The following NRAP variants were observed in gnomAD, a reference collection of about 807,000 sequenced individuals.
The protein encoded by NRAP is nebulin related anchoring protein.
In NRAP, 189 loss-of-function variants were observed where a neutral mutation model predicts 225.9. The ratio of observed to expected loss-of-function variants is 0.84; its 90% CI spans 0.74 to 0.94. The LOEUF is 0.94. Among genes scored for constraint, NRAP ranks in the 40% least tolerant of loss-of-function variants. The pLI is 0.00. For missense variants in NRAP, 2,176 were observed against 2,168.7 expected, an observed-to-expected ratio of 1.00 and a Z score of -0.07; for synonymous variants, 769 against 790.7, an observed-to-expected ratio of 0.97 and a Z score of 0.46.
chr10:113,646,971 G>C lies in NRAP; in HGVS notation c.945C>G (p.Ile315Met). 1 of 1,614,092 alleles carries C rather than the reference G, an allele frequency of 6.2e-7. No individual in the cohort carries two copies. The highest frequency in any genetic ancestry group is 8.5e-7 in the Non-Finnish European group (1 of 1,179,960). Residue 315 changes from isoleucine (I) to methionine (M), a missense_variant, in exon 10 of 42, where the codon ATC becomes ATG. By Grantham distance (10) the Ile-to-Met change is conservative (BLOSUM62 1). Coordinates refer to ENST00000359988, the MANE Select transcript of NRAP (RefSeq NM_198060.4). The stretch of plus-strand genomic sequence containing the variant: ...TCTTGGCGTTCTGATATGCTGGAGT[G>C]ATCATAGCTGGGAAGCTGCCCTTTC... ...HRGKGSFPAM[I>M]TPAYQNAKKA...
chr10:113,657,526 C>G lies in NRAP; in HGVS notation c.304G>C (p.Asp102His). 1 of 1,608,968 alleles carries G rather than the reference C, an allele frequency of 6.2e-7. No individual in the cohort carries two copies. The highest frequency in any genetic ancestry group is 8.5e-7 in the Non-Finnish European group (1 of 1,175,416). The change falls in exon 4 of 42, where the codon GAC (aspartate) becomes CAC (histidine). Residue 102 changes from aspartate (D) to histidine (H), a missense_variant. Coordinates refer to ENST00000359988, the MANE Select transcript of NRAP (RefSeq NM_198060.4). ...GEQCKSVFHW[D>H]MKSKDKEGAP... ...CCTTCCTTATCCTTGGATTTCATGT[C>G]CCAGTGAAAAACTGATTTACACTGT...
chr10:113,605,860 T>C lies in NRAP; in HGVS notation c.3817A>G (p.Lys1273Glu). The part of the protein sequence containing the change: ...NAANLSDARY[K>E]ESWRNLRAQG... ...GCACGAAGATTACGCCAGGACTCTT[T>C]GTATCTTGCCTAAAGTGGGAACACA... Residue 1273 changes from lysine (K) to glutamate (E), a missense_variant, in exon 34 of 42, where the codon AAA (lysine) becomes GAA (glutamate). Coordinates refer to ENST00000359988, the MANE Select transcript of NRAP (RefSeq NM_198060.4). The C allele has an allele frequency of 1.2e-6, 2 of 1,612,700 alleles. No homozygotes were observed. Among genetic ancestry groups the C allele is most frequent in the Non-Finnish European group, 1.7e-6 (2 of 1,178,814 alleles).
Position 113,621,944 on chromosome 10 carries a change from C to T in NRAP, c.2694G>A (p.Ala898=), listed in dbSNP as rs752259893. ...HLATDVGYKT[A]EHHFTALPTD... ...TGGGCAAAGCCGTAAAGTGATGTTCCGCTGTCTTGTAGCCTACGTCTGTGG... is the reference window on the plus strand; with the variant it reads ...TGGGCAAAGCCGTAAAGTGATGTTCTGCTGTCTTGTAGCCTACGTCTGTGG... The change falls in exon 24 of 42, where the codon GCG becomes GCA. Residue 898 remains alanine (A), a synonymous_variant. Transcript: ENST00000359988. The T allele has an allele frequency of 7.2e-5, 117 of 1,614,092 alleles. No individual in the cohort carries two copies. The highest frequency in any genetic ancestry group is 3.3e-4 in the East Asian group (15 of 44,892).
Position 113,628,931 on chromosome 10 carries a change from G to C in NRAP, c.2131C>G (p.Gln711Glu), listed in dbSNP as rs1414544292. ...GTGCAGGTTACCTCGCTGACCAGCT[G>C]TCCAGCCTTCTTGGCTTGTTCCAAG... ...LNLEQAKKAG[Q>E]LVSEKNYRQR... The change falls in exon 20 of 42, where the codon CAG becomes GAG. Residue 711 changes from glutamine (Q) to glutamate (E), a missense_variant. Physicochemically the swap from Gln to Glu is conservative, Grantham distance 29. Transcript: ENST00000359988. The C allele has an allele frequency of 1.9e-6, 3 of 1,608,236 alleles. No individual in the cohort carries two copies. The highest frequency in any genetic ancestry group is 1.3e-5 in the African/African-American group (1 of 74,790).
chr10:113,634,129 C>T lies in NRAP; in HGVS notation c.1510G>A (p.Ala504Thr). ...TTACTTACATGACTCAGCTGCTGGG[C>T]ATTGATTTTGGCTTGAACAATCTGT... ...TPQIVQAKIN[A>T]QQLSHVNYRA... Residue 504 changes from alanine (A) to threonine (T), a missense_variant, in exon 15 of 42, where the codon GCC becomes ACC. Coordinates refer to ENST00000359988, the MANE Select transcript of NRAP (RefSeq NM_198060.4). 1 of 1,613,238 alleles carries T rather than the reference C, an allele frequency of 6.2e-7. No individual in the cohort carries two copies.
Position 113,604,628 on chromosome 10 carries a change from G to T in NRAP, c.4208C>A (p.Ala1403Asp). 1 of 1,613,736 alleles carries T rather than the reference G, an allele frequency of 6.2e-7. No homozygotes were observed. Among genetic ancestry groups the T allele is most frequent in the East Asian group, 2.2e-5 (1 of 44,868 alleles). ...CCCTACCTCACTCTGCAGGGCATGG[G>T]CTTTCTTGGCCCAGGCCATCTTCAG... ...EDLKMAWAKK[A>D]HALQSELRYK... is the part of the protein sequence containing the mutation. The change falls in exon 35 of 42, where the codon GCC becomes GAC. Residue 1403 changes from alanine (A) to aspartate (D), a missense_variant. Transcript: ENST00000359988.
Position 113,641,485 on chromosome 10 carries a change from G to T in NRAP, c.1216-13C>A, listed in dbSNP as rs368171230. 3.9e-6 allele frequency: 6 copies of T among 1,551,956 alleles called. No individual in the cohort carries two copies. Among genetic ancestry groups the T allele is most frequent in the Non-Finnish European group, 5.3e-6 (6 of 1,124,388 alleles). ...CTTTATATTTATTCTACATGGAAAC[G>T]CAAAGTTTTCAACCAAAGCATTCCC... On this transcript the variant is annotated splice_polypyrimidine_tract_variant and intron_variant, in intron 12 of 41. Transcript: ENST00000359988.
chr10:113,630,290 C>T (rs888920319), intron 18 of NRAP, among the ~76,000 whole-genome samples: 31 of 152,014 alleles, frequency 2.0e-4, no homozygotes, highest in African/African-American at 6.5e-4. Context: ...GATAAATATT[C>T]GCATGACAAT....
Position 113,615,073 on chromosome 10 carries a change from G to T in NRAP, c.3079-127C>A, listed in dbSNP as rs565474561. On this transcript the variant is annotated intron_variant, in intron 27 of 41. Transcript: ENST00000359988. ...CCTCCCCTGGCCAGTTGGAGTTAGA[G>T]ATCATGGTGGCTTAGCTAAACCCAC... The T allele has an allele frequency of 5.7e-4, 336 of 586,178 alleles. 9 individuals carry two copies. Among genetic ancestry groups the T allele is most frequent in the South Asian group, 5.7e-3 (325 of 57,024 alleles). 36.3% of individuals were successfully genotyped at this position (586,178 alleles called of 1,614,324 possible).
intron 11 of NRAP, among the ~76,000 whole-genome samples, chr10:113,643,411 G>A (rs1039300858): frequency 6.6e-6 from 1 of 152,176 alleles, no homozygotes; most frequent in Non-Finnish European, 1.5e-5. Flanking sequence ...ATGTCTGGTC[G>A]TATTCTGTTT....
chr10:113,645,659 T>C (rs1358148426), intron 11 of NRAP, among the ~76,000 whole-genome samples, 166 bp downstream of exon 11: 1 of 152,192 alleles, frequency 6.6e-6, no homozygotes, highest in Admixed American at 6.5e-5. Flanking sequence ...TCAGGTGATC[T>C]GCCTGCCTCG....
At chr10:113,631,479 T>G in intron 18 of NRAP, 30 bp downstream of exon 18, 24 of 1,365,402 alleles carry the variant, frequency 1.8e-5, no homozygotes, top group East Asian at 2.3e-5. Context: ...CAACTGTAAG[T>G]GAGAGGTTGG....
chr10:113,610,825 G>A (rs576407743), intron 30 of NRAP, among the ~76,000 whole-genome samples: 4 of 152,306 alleles, frequency 2.6e-5, no homozygotes, highest in African/African-American at 7.2e-5. Context: ...ACAGAAGCGA[G>A]ACAGATTTTT....
Position 113,646,965 on chromosome 10 carries a change from T to G in NRAP, c.951A>C (p.Pro317=). The G allele has an allele frequency of 6.2e-7, 1 of 1,614,116 alleles. No homozygotes were observed. The highest frequency in any genetic ancestry group is 2.2e-5 in the East Asian group (1 of 44,884). The change falls in exon 10 of 42, where the codon CCA becomes CCC. Residue 317 remains proline, a synonymous_variant. Coordinates refer to ENST00000359988, the MANE Select transcript of NRAP (RefSeq NM_198060.4). ...GKGSFPAMIT[P]AYQNAKKAHE... is the part of the protein sequence containing the mutation. ...GAGCTTTCTTGGCGTTCTGATATGC[T>G]GGAGTGATCATAGCTGGGAAGCTGC...
chr10:113,589,660 A>G lies in NRAP; in HGVS notation c.5088+6T>C. The G allele has an allele frequency of 6.2e-7, 1 of 1,611,946 alleles. No individual in the cohort carries two copies. The highest frequency in any genetic ancestry group is 8.5e-7 in the Non-Finnish European group (1 of 1,179,416). ...GCCAGGGGTGGCTTTGCAGCTTGCTACTCACGTAAGCTCCCTGGAGACCCA... is the reference window on the plus strand; with the variant it reads ...GCCAGGGGTGGCTTTGCAGCTTGCTGCTCACGTAAGCTCCCTGGAGACCCA... On this transcript the variant is annotated splice_donor_region_variant and intron_variant, in intron 41 of 41. Transcript: ENST00000359988.
intron 3 of NRAP, among the ~76,000 whole-genome samples, chr10:113,658,314 T>A (rs1564765365): frequency 1.3e-5 from 2 of 152,168 alleles, no homozygotes; most frequent in Non-Finnish European, 2.9e-5. Context: ...TTCTTCAAGA[T>A]TTCTTGGCTA....
intron 14 of NRAP, among the ~76,000 whole-genome samples, chr10:113,634,734 T>C (rs1386217305): frequency 2.0e-5 from 3 of 152,226 alleles, no homozygotes. Flanking sequence ...GAGGTCATTT[T>C]ATAAATAATT....
chr10:113,598,529 A>G (rs1846419702), intron 35 of NRAP, among the ~76,000 whole-genome samples: 2 of 152,026 alleles, frequency 1.3e-5, no homozygotes, highest in Admixed American at 1.3e-4. Flanking sequence ...TTTAACCAAA[A>G]TGTGACTCAG....
Position 113,621,961 on chromosome 10 carries a change from C to T in NRAP, c.2677G>A (p.Val893Ile), listed in dbSNP as rs200031510. ...ARKAQHLATD[V>I]GYKTAEHHFT... ...TGATGTTCCGCTGTCTTGTAGCCTA[C>T]GTCTGTGGCTAAATGCTGAGCTTTG... Residue 893 changes from valine (V) to isoleucine (I), a missense_variant, in exon 24 of 42, where the codon GTA (valine) becomes ATA (isoleucine). Val to Ile is a conservative substitution (Grantham distance 29). Transcript: ENST00000359988. The T allele has an allele frequency of 5.6e-5, 90 of 1,614,170 alleles. No homozygotes were observed. The highest frequency in any genetic ancestry group is 5.3e-4 in the Admixed American group (32 of 60,026).
Sources: allele counts gnomAD v4.1 joint callset (sites outside exome capture counted in the v4.1 genomes callset), GRCh38; gene constraint gnomAD v4.1.1; transcripts MANE v1.5; gene names NCBI Gene and HGNC (gene_info 2026-07-23, HGNC 2026-07-21).